CNTN1: variants seen among roughly 807,000 people sequenced by gnomAD.
The protein encoded by CNTN1 is contactin-1.
A neutral mutation model predicts 126.4 loss-of-function variants in CNTN1; 38 were observed. That is an observed-to-expected ratio of 0.30 (90% CI 0.23 to 0.39). The LOEUF is 0.39. CNTN1 is among the 10% of genes least tolerant of loss of function. The pLI, the probability that CNTN1 is intolerant of heterozygous loss-of-function variation, is 1.00. For synonymous variants in CNTN1, 413 were observed against 422.6 expected (o/e 0.98, Z 0.28); for missense variants, 1,009 against 1,248.4 (o/e 0.81, Z 2.89).
chr12:40,756,033 T>C (rs1938597451), intron 1 of CNTN1, among the ~76,000 whole-genome samples: 2 of 152,146 alleles, frequency 1.3e-5, no homozygotes. Context: ...TAGCCACATT[T>C]AGATACATAG....
intron 1 of CNTN1, among the ~76,000 whole-genome samples, chr12:40,801,655 A>G (rs1349843911): frequency 1.3e-5 from 2 of 151,808 alleles, no homozygotes; most frequent in East Asian, 3.9e-4. Context: ...TGTGGCTGGA[A>G]TGTGGTGAAG....
rs1950137276 is a variant in CNTN1, at chr12:41,070,420, A to G, written c.*385A>G. 8 of 296,264 alleles carry G rather than the reference A, an allele frequency of 2.7e-5. 1 individual carries two copies. The South Asian group carries it at 2.7e-4, about 10-fold the overall frequency. 18.4% of individuals were successfully genotyped at this position (296,264 alleles called of 1,614,324 possible). ...TAAATTTAATAACAAGTTGTGAAAT[A>G]TAATAGAGATTGAAATGTTGGTTGT... On this transcript the variant is annotated 3_prime_UTR_variant, in exon 24 of 24. Transcript: ENST00000551295.
chr12:41,029,319 A>G (rs2120852302), intron 23 of CNTN1, 100 bp downstream of exon 23: 4 of 1,319,600 alleles, frequency 3.0e-6, no homozygotes, highest in Non-Finnish European at 3.3e-6. Context: ...ACCAGTGTCC[A>G]TATTTTCCTA....
Position 40,892,898 on chromosome 12 carries a change from TC to T in CNTN1, c.-76-15455del, listed in dbSNP as rs1177555964. 2.1e-5 allele frequency among the ~76,000 whole-genome samples: 3 copies of T among 139,750 alleles called. No homozygotes were observed. The South Asian group carries it at 7.1e-4, about 33-fold the overall frequency. 91.7% of individuals were successfully genotyped at this position (139,750 alleles called of 152,430 possible). A position where few individuals can be genotyped will look rare whatever the true frequency, so the allele number is the denominator to read the frequency against. ...CACAATATCAATCATTACAAATTCT[TC>T]CCCGAAATTCAAGACACATTAATCA... On this transcript the variant is annotated intron_variant, in intron 1 of 23. Transcript: ENST00000551295.
At chr12:40,736,405 G>T (rs1453625854) in intron 1 of CNTN1, among the ~76,000 whole-genome samples, 1 of 151,940 alleles carries the variant, frequency 6.6e-6, no homozygotes. Context: ...AGAAGCTCTT[G>T]CAATATTCAC....
rs560753711 is a variant in CNTN1 at position 40,747,957 on chromosome 12, G to A, written c.-77+55365G>A. ...AAGGAGAGTATTAGATACTAAATTA[G>A]ATCTCTGTGCAGGCAGAGAGACCCA... On this transcript the variant is annotated intron_variant, in intron 1 of 23. Transcript: ENST00000551295. Among the ~76,000 whole-genome samples the A allele has an allele frequency of 3.9e-5, 6 of 152,236 alleles. No individual in the cohort carries two copies. In the East Asian group the frequency reaches 1.2e-3, roughly 29 times the overall value.
intron 7 of CNTN1, among the ~76,000 whole-genome samples, chr12:40,932,505 C>T (rs1348633506): frequency 6.6e-6 from 1 of 151,946 alleles, no homozygotes; most frequent in Non-Finnish European, 1.5e-5. Flanking sequence ...TAATATATTA[C>T]CTATTGAGAA....
At chr12:40,732,795 C>G (rs147917575) in intron 1 of CNTN1, among the ~76,000 whole-genome samples, 2 of 152,024 alleles carry the variant, frequency 1.3e-5, no homozygotes, top group Non-Finnish European at 2.9e-5. Context: ...AATTATTTCA[C>G]TAATATAAAA....
chr12:40,836,840 T>G (rs1281613263), intron 1 of CNTN1, among the ~76,000 whole-genome samples: 2 of 152,180 alleles, frequency 1.3e-5, no homozygotes, highest in African/African-American at 4.8e-5. Flanking sequence ...ATTTAAGTAT[T>G]AGCTCACTTA....
intron 20 of CNTN1, 21 bp downstream of exon 20, chr12:41,020,461 A>T (rs776595514): frequency 7.1e-7 from 1 of 1,412,650 alleles, no homozygotes; most frequent in Non-Finnish European, 1.0e-6. Flanking sequence ...TTTTTATCAA[A>T]CTAAATACAT....
At chr12:41,034,582 C>G (rs1027577710) in intron 23 of CNTN1, among the ~76,000 whole-genome samples, 2 of 152,182 alleles carry the variant, frequency 1.3e-5, no homozygotes, top group Non-Finnish European at 2.9e-5. Flanking sequence ...GAAATGCTGT[C>G]TCTTCAACCA....
intron 23 of CNTN1, chr12:41,061,837 T>C (rs891548065): frequency 4.4e-6 from 2 of 455,576 alleles, no homozygotes; most frequent in Non-Finnish European, 8.8e-6. Context: ...TGAGCCCAAA[T>C]ATTCTCTGTT....
At chr12:40,782,266 G>A (rs1351343913) in intron 1 of CNTN1, among the ~76,000 whole-genome samples, 1 of 151,726 alleles carries the variant, frequency 6.6e-6, no homozygotes. Flanking sequence ...GAGTAAGATG[G>A]TGTTTTGGAT....
At chr12:40,757,342 G>T (rs1301791580) in intron 1 of CNTN1, among the ~76,000 whole-genome samples, 4 of 151,732 alleles carry the variant, frequency 2.6e-5, no homozygotes, top group Admixed American at 1.3e-4. Context: ...CCACATTCCT[G>T]TGACTTCTTT....
At chr12:40,796,978 T>C (rs891921831) in intron 1 of CNTN1, among the ~76,000 whole-genome samples, 1 of 152,018 alleles carries the variant, frequency 6.6e-6, no homozygotes, top group African/African-American at 2.4e-5. Flanking sequence ...AACTAATTAT[T>C]TGGAAGTAGG....
rs571622189 is a variant in CNTN1 at position 40,834,589 on chromosome 12, A to G, written c.-76-73768A>G. On this transcript the variant is annotated intron_variant, in intron 1 of 23. Coordinates refer to ENST00000551295, the MANE Select transcript of CNTN1 (RefSeq NM_001843.4). ...GAGCCGCTGGGTGACAAGCAGACGA[A>G]TCTATTGAAGAACTGGGTGGATAGG... Among the ~76,000 whole-genome samples, 7 of 152,310 alleles carry G rather than the reference A, an allele frequency of 4.6e-5. 1 individual carries two copies. Among genetic ancestry groups the G allele is most frequent in the South Asian group, 4.1e-4 (2 of 4,824 alleles).
chr12:40,727,974 CT>C (rs1942401040), intron 1 of CNTN1, among the ~76,000 whole-genome samples: 1 of 152,148 alleles, frequency 6.6e-6, no homozygotes, highest in Non-Finnish European at 1.5e-5. Context: ...AGCAGCAGGG[CT>C]TGGCTGGTGT....
In CNTN1 at chr12:40,822,707, T is replaced by TA. The variant is rs11412627; in HGVS notation, c.-76-85642dup. The stretch of plus-strand genomic sequence containing the variant: ...TTATTTAAATGATCTCAGCCAGCTT[T>TA]AAAAAAAATCTATAGAATAAGGTAA... On this transcript the variant is annotated intron_variant, in intron 1 of 23. Coordinates refer to ENST00000551295, the MANE Select transcript of CNTN1 (RefSeq NM_001843.4). 9.0e-3 allele frequency among the ~76,000 whole-genome samples: 1,374 copies of TA among 152,180 alleles called. 20 individuals are homozygous for TA. Among genetic ancestry groups the TA allele is most frequent in the African/African-American group, 0.031 (1,288 of 41,522 alleles).
chr12:40,831,594 C>T (rs1592135873), intron 1 of CNTN1, among the ~76,000 whole-genome samples: 1 of 152,080 alleles, frequency 6.6e-6, no homozygotes, highest in East Asian at 1.9e-4. Context: ...TTCAGATATG[C>T]TCTTAAGGGT....
Sources: allele counts gnomAD v4.1 joint callset (sites outside exome capture counted in the v4.1 genomes callset), GRCh38; gene constraint gnomAD v4.1.1; transcripts MANE v1.5; gene names NCBI Gene and HGNC (gene_info 2026-07-23, HGNC 2026-07-21).